Variants in MN1 observed in about 807,000 individuals in gnomAD.
MN1 encodes the protein transcriptional activator MN1.
MN1 carries 19 observed loss-of-function variants against 86.9 expected under a neutral mutation model. That is an observed-to-expected ratio of 0.22 (90% CI 0.15 to 0.32). MN1 has a LOEUF of 0.32. Ranked by LOEUF, MN1 falls within the 10% of genes least tolerant of loss-of-function variation. The probability of loss-of-function intolerance (pLI) is 1.00; values close to 1 mark genes in which losing one functional copy is unlikely to be tolerated. For missense variants in MN1, 1,841 were observed against 1,862.0 expected (o/e 0.99, Z 0.21); for synonymous variants, 928 against 849.6 (o/e 1.09, Z -1.60).
chr22:27,790,157 C>T (rs534195070), intron 1 of MN1, among the ~76,000 whole-genome samples: 1 of 152,360 alleles, frequency 6.6e-6, no homozygotes, highest in Admixed American at 6.5e-5. Flanking sequence ...AAGCGGGTCT[C>T]AGCATCCTAT....
chr22:27,761,166 T>C (rs929394962), intron 1 of MN1, among the ~76,000 whole-genome samples: 2 of 151,874 alleles, frequency 1.3e-5, no homozygotes, highest in African/African-American at 4.8e-5. Context: ...ACCCCCAATT[T>C]CTCTCTTGCA....
Position 27,776,697 on chromosome 22 carries a change from C to T in MN1, c.3781+20066G>A, listed in dbSNP as rs150658607. On this transcript the variant is annotated intron_variant, in intron 1 of 1. Transcript: ENST00000302326. ...CCCCTAGCCCCATCTCGCCTTGAAG[C>T]TGGCATGCTGGAATATAAATTGGAA... Among the ~76,000 whole-genome samples, 102 of 152,152 alleles carry T rather than the reference C, an allele frequency of 6.7e-4. 2 individuals are homozygous for T. The East Asian group carries it at 0.018, about 27-fold the overall frequency.
Position 27,797,244 on chromosome 22 carries a change from C to T in MN1, c.3300G>A (p.Pro1100=), listed in dbSNP as rs1229819213. Residue 1100 remains proline, a synonymous_variant, in exon 1 of 2, where the codon CCG becomes CCA. Transcript: ENST00000302326. ...ACATGATGCCCAGGCCGAGGGCGGG[C>T]GGGGGCGCCTTCGGTCCGTGTTCCC... is the stretch of plus-strand genomic sequence containing the variant. The part of the protein sequence containing the change: ...GAGEHGPKAP[P]PALGLGIMSN... 1 of 1,572,634 alleles carries T rather than the reference C, an allele frequency of 6.4e-7. No individual in the cohort carries two copies.
Position 27,751,107 on chromosome 22 carries a change from AGAAG to A in MN1, c.3782-15_3782-12del. 6.5e-7 allele frequency: 1 copy of A among 1,547,220 alleles called. No individual in the cohort carries two copies. Among genetic ancestry groups the A allele is most frequent in the Non-Finnish European group, 8.7e-7 (1 of 1,143,102 alleles). On this transcript the variant is annotated splice_polypyrimidine_tract_variant and intron_variant, in intron 1 of 1. Coordinates refer to ENST00000302326, the MANE Select transcript of MN1 (RefSeq NM_002430.3). The stretch of plus-strand genomic sequence containing the variant: ...CAGGGAGGTCGTGGGCTGTGGAGAG[AGAAG>A]GAAGAGAGGACATTAGTGGCACACT...
At position 27,750,535 on chromosome 22, in the gene MN1, G is replaced by A. The variant is rs1437885773; in HGVS notation, c.*380C>T. Reference sequence around the variant, plus strand: ...GTCTTATTATGAAATAACAATACTTGGACATACAGCAGCATGAAAACAAAA... The same window carrying A: ...GTCTTATTATGAAATAACAATACTTAGACATACAGCAGCATGAAAACAAAA... On this transcript the variant is annotated 3_prime_UTR_variant, in exon 2 of 2. Transcript: ENST00000302326. The A allele has an allele frequency of 4.2e-6, 1 of 238,266 alleles. No homozygotes were observed. Among genetic ancestry groups the A allele is most frequent in the Non-Finnish European group, 8.2e-6 (1 of 121,948 alleles). The allele number at this position is 238,266 out of a possible 1,614,324, so 14.8% of individuals were successfully genotyped here.
intron 1 of MN1, among the ~76,000 whole-genome samples, chr22:27,782,854 A>G (rs890965526): frequency 1.3e-5 from 2 of 152,156 alleles, no homozygotes; most frequent in African/African-American, 4.8e-5. Flanking sequence ...TTTGGTCCTC[A>G]CAATATTTCT....
chr22:27,798,857 A>C lies in MN1; in HGVS notation c.1687T>G (p.Ser563Ala). Residue 563 changes from serine (S) to alanine (A), a missense_variant, in exon 1 of 2, where the codon TCG (serine) becomes GCG (alanine). By Grantham distance (99) the Ser-to-Ala change is moderately conservative (BLOSUM62 1). Coordinates refer to ENST00000302326, the MANE Select transcript of MN1 (RefSeq NM_002430.3). The stretch of plus-strand genomic sequence containing the variant: ...CGCAGCCGCTGCTGCTGATTCCGCG[A>C]CGCCATCTGCTTAATCATGAGGGCC... ...NAALMIKQMA[S>A]RNQQQRLRQP... 1 of 1,543,600 alleles carries C rather than the reference A, an allele frequency of 6.5e-7. No individual in the cohort carries two copies. Among genetic ancestry groups the C allele is most frequent in the Non-Finnish European group, 8.7e-7 (1 of 1,147,010 alleles).
chr22:27,753,078 G>A (rs531381208), intron 1 of MN1, among the ~76,000 whole-genome samples: 63 of 152,354 alleles, frequency 4.1e-4, no homozygotes, highest in Middle Eastern at 3.4e-3. Context: ...TGGAGCCCCA[G>A]AGACACTCAG....
chr22:27,767,853 A>G (rs1281389561), intron 1 of MN1, among the ~76,000 whole-genome samples: 1 of 152,170 alleles, frequency 6.6e-6, no homozygotes, highest in Non-Finnish European at 1.5e-5. Flanking sequence ...ATTTTTTCCC[A>G]GGGAAGAGAA....
At position 27,749,852 on chromosome 22, in the gene MN1, G is replaced by A. The variant is rs941923985; in HGVS notation, c.*1063C>T. ...GCTGGACTGGGGATGGAATGGGAGA[G>A]GTGGAGGAGATACACGCAGTCCCCT... On this transcript the variant is annotated 3_prime_UTR_variant, in exon 2 of 2. Transcript: ENST00000302326. The A allele has an allele frequency of 4.3e-6, 1 of 230,980 alleles. No homozygotes were observed. Among genetic ancestry groups the A allele is most frequent in the Non-Finnish European group, 8.6e-6 (1 of 116,700 alleles). The allele number at this position is 230,980 out of a possible 1,614,324, so 14.3% of individuals were successfully genotyped here.
At chr22:27,767,759 G>A (rs1161067679) in intron 1 of MN1, among the ~76,000 whole-genome samples, 1 of 152,136 alleles carries the variant, frequency 6.6e-6, no homozygotes, top group Admixed American at 6.5e-5. Flanking sequence ...GGTGGGTGGA[G>A]GTGTTGGTTA....
intron 1 of MN1, among the ~76,000 whole-genome samples, chr22:27,772,419 G>A (rs548080101): frequency 6.6e-6 from 1 of 152,368 alleles, no homozygotes; most frequent in African/African-American, 2.4e-5. Context: ...CAGTTAGAGT[G>A]TGGGGAGGAG....
intron 1 of MN1, among the ~76,000 whole-genome samples, chr22:27,762,070 G>A (rs1026266073): frequency 6.6e-6 from 1 of 152,140 alleles, no homozygotes; most frequent in Admixed American, 6.5e-5. Flanking sequence ...ACCAGGCCTG[G>A]GCATCTCTGA....
chr22:27,762,475 G>T (rs1022463083), intron 1 of MN1, among the ~76,000 whole-genome samples: 2 of 152,060 alleles, frequency 1.3e-5, no homozygotes, highest in African/African-American at 4.8e-5. Context: ...TATAATAATA[G>T]TATTTGCTGG....
chr22:27,799,863 G>A lies in MN1; in HGVS notation c.681C>T (p.Ala227=). 1 of 1,602,614 alleles carries A rather than the reference G, an allele frequency of 6.2e-7. No individual in the cohort carries two copies. The highest frequency in any genetic ancestry group is 2.3e-5 in the East Asian group (1 of 44,350). ...LEPRRVTNQG[A]VDSLEYNYPG... Reference sequence around the variant, plus strand: ...GGTAATTGTATTCCAGCGAGTCGACGGCTCCTTGGTTCGTCACCCTCCGTG... The same window carrying A: ...GGTAATTGTATTCCAGCGAGTCGACAGCTCCTTGGTTCGTCACCCTCCGTG... Residue 227 remains alanine (A), a synonymous_variant, in exon 1 of 2, where the codon GCC becomes GCT. Transcript: ENST00000302326.
chr22:27,787,174 C>G (rs992524640), intron 1 of MN1, among the ~76,000 whole-genome samples: 13 of 152,170 alleles, frequency 8.5e-5, no homozygotes, highest in African/African-American at 3.1e-4. Flanking sequence ...GCAAGCAAAG[C>G]CCGGCAAAAG....
chr22:27,773,688 G>C (rs939594268), intron 1 of MN1, among the ~76,000 whole-genome samples: 1 of 152,094 alleles, frequency 6.6e-6, no homozygotes, highest in African/African-American at 2.4e-5. Flanking sequence ...ATAGAGTCTC[G>C]CTCTGTTGCC....
At position 27,751,053 on chromosome 22, in the gene MN1, G is replaced by T; in HGVS notation, c.3825C>A (p.Gly1275=). 6.3e-7 allele frequency: 1 copy of T among 1,598,198 alleles called. No individual in the cohort carries two copies. Among genetic ancestry groups the T allele is most frequent in the Non-Finnish European group, 8.5e-7 (1 of 1,169,634 alleles). ...GGACAGACAGGCACTGCAAGTGGCT[G>T]CCAGGCTGGGATGCTGAGGCCTTGT... is the stretch of plus-strand genomic sequence containing the variant. ...PANKASASQP[G]SHLQCLSVHC... The change falls in exon 2 of 2, where the codon GGC becomes GGA. Residue 1275 remains glycine (G), a synonymous_variant. Transcript: ENST00000302326.
chr22:27,793,183 C>T (rs13055370), intron 1 of MN1, among the ~76,000 whole-genome samples: 4,150 of 152,176 alleles, frequency 0.027, 75 homozygotes, highest in South Asian at 0.066. Flanking sequence ...CAAAGATAAA[C>T]GTATTACAGA....
Sources: allele counts gnomAD v4.1 joint callset (sites outside exome capture counted in the v4.1 genomes callset), GRCh38; gene constraint gnomAD v4.1.1; transcripts MANE v1.5; gene names NCBI Gene and HGNC (gene_info 2026-07-23, HGNC 2026-07-21).